SLC6A7: variants seen among roughly 807,000 people sequenced by gnomAD.
The protein encoded by SLC6A7 is solute carrier family 6 member 7, also known as sodium-dependent proline transporter.
In SLC6A7, 58 loss-of-function variants were observed where a neutral mutation model predicts 73.1. The ratio of observed to expected loss-of-function variants is 0.79; its 90% CI spans 0.64 to 0.99. SLC6A7 has a LOEUF of 0.99. Ranked by LOEUF, SLC6A7 falls within the 50% of genes least tolerant of loss-of-function variation. The pLI is 0.00. For missense variants in SLC6A7, 783 were observed against 831.4 expected, an observed-to-expected ratio of 0.94 and a Z score of 0.72; for synonymous variants, 338 against 338.7, an observed-to-expected ratio of 1.00 and a Z score of 0.02.
intron 5 of SLC6A7, among the ~76,000 whole-genome samples, chr5:150,199,974 G>T (rs1562089327): frequency 6.6e-6 from 1 of 152,176 alleles, no homozygotes; most frequent in Non-Finnish European, 1.5e-5. Flanking sequence ...GATGAGCAGG[G>T]CTGTGCACCC....
intron 13 of SLC6A7, 102 bp downstream of exon 13, chr5:150,205,725 GC>G (rs1440355255): frequency 1.9e-6 from 2 of 1,051,780 alleles, no homozygotes; most frequent in East Asian, 5.1e-5. Flanking sequence ...CCCTTATCCA[GC>G]TTCTTTTAGC....
Position 150,194,713 on chromosome 5 carries a change from C to A in SLC6A7, c.34-15C>A, listed in dbSNP as rs778315192. The A allele has an allele frequency of 2.5e-6, 4 of 1,610,378 alleles. No homozygotes were observed. The highest frequency in any genetic ancestry group is 3.4e-6 in the Non-Finnish European group (4 of 1,177,432). On this transcript the variant is annotated splice_polypyrimidine_tract_variant and intron_variant, in intron 1 of 13. Coordinates refer to ENST00000230671, the MANE Select transcript of SLC6A7 (RefSeq NM_014228.5). ...CAGTCTTCTCCCCAACCTCTTTGGT[C>A]TCTCTCATTGGCAGCCTGTCACCCC... is the stretch of plus-strand genomic sequence containing the variant.
rs1580870286 is a variant in SLC6A7 at position 150,204,910 on chromosome 5, T to C, written c.1516T>C (p.Ser506Pro). ...CTTCAGGGCCTGCTGGCTGTTCCTGTCCCCAGCCACGCTCTTGGTAACTGG... is the reference window on the plus strand; with the variant it reads ...CTTCAGGGCCTGCTGGCTGTTCCTGCCCCCAGCCACGCTCTTGGTAACTGG... ...LYFRACWLFLSPATLLALMVY... is the reference protein window; with the variant it reads ...LYFRACWLFLPPATLLALMVY... Residue 506 changes from serine (S) to proline (P), a missense_variant, in exon 12 of 14, where the codon TCC becomes CCC. Coordinates refer to ENST00000230671, the MANE Select transcript of SLC6A7 (RefSeq NM_014228.5). 3 of 656,946 alleles carry C rather than the reference T, an allele frequency of 4.6e-6. No individual in the cohort carries two copies. The highest frequency in any genetic ancestry group is 3.7e-5 in the African/African-American group (2 of 53,562). The allele number at this position is 656,946 out of a possible 1,614,324, so 40.7% of individuals were successfully genotyped here.
intron 4 of SLC6A7, among the ~76,000 whole-genome samples, chr5:150,198,994 G>A (rs531822045): frequency 3.9e-5 from 6 of 152,202 alleles, no homozygotes; most frequent in East Asian, 3.9e-4. Flanking sequence ...GGGTGGTCTC[G>A]AACTCCTATC....
At position 150,210,954 on chromosome 5, in the gene SLC6A7, C is replaced by T. The variant is rs1224411979; in HGVS notation, c.*1339C>T. On this transcript the variant is annotated 3_prime_UTR_variant, in exon 14 of 14. Transcript: ENST00000230671. ...AGCATTCTCCCGTGGGGCAGGGTTC[C>T]CTCATGCAACAGGCCTCCCTGTGGC... 1 of 152,582 alleles carries T rather than the reference C, an allele frequency of 6.6e-6. No homozygotes were observed. Among genetic ancestry groups the T allele is most frequent in the East Asian group, 1.9e-4 (1 of 5,332 alleles). The allele number at this position is 152,582 out of a possible 1,614,324, so 9.5% of individuals were successfully genotyped here.
intron 6 of SLC6A7, among the ~76,000 whole-genome samples, chr5:150,201,501 G>A (rs1753381470): frequency 6.6e-6 from 1 of 152,032 alleles, no homozygotes; most frequent in African/African-American, 2.4e-5. Flanking sequence ...TATCATTTTT[G>A]TAGTGAGAAC....
chr5:150,193,814 G>A (rs184404043), intron 1 of SLC6A7, among the ~76,000 whole-genome samples: 15 of 152,272 alleles, frequency 9.9e-5, no homozygotes, highest in East Asian at 3.9e-4. Flanking sequence ...TGCCCGGAAC[G>A]GAGGAACAAA....
intron 4 of SLC6A7, among the ~76,000 whole-genome samples, chr5:150,198,168 G>C (rs930863414): frequency 6.6e-6 from 1 of 152,130 alleles, no homozygotes; most frequent in African/African-American, 2.4e-5. Context: ...GCTCAGTATT[G>C]CTCAGTAATT....
rs554531476 is a variant in SLC6A7, at chr5:150,202,122, G to A, written c.859-225G>A. Among the ~76,000 whole-genome samples the A allele has an allele frequency of 1.2e-4, 19 of 152,360 alleles. No homozygotes were observed. The East Asian group carries it at 3.1e-3, about 25-fold the overall frequency. On this transcript the variant is annotated intron_variant, in intron 6 of 13. Transcript: ENST00000230671. ...AGAGACCATCTTCTAGATCCTGGGT[G>A]GGAAACTGAAGCCCGCAGAGGGGAA...
In SLC6A7 at chr5:150,203,949, T is replaced by G. The variant is rs926102373; in HGVS notation, c.1243T>G (p.Phe415Val). The G allele has an allele frequency of 1.2e-6, 2 of 1,613,030 alleles. No homozygotes were observed. Among genetic ancestry groups the G allele is most frequent in the Non-Finnish European group, 1.7e-6 (2 of 1,179,628 alleles). Reference sequence around the variant, plus strand: ...CATTGTGACAGCTGTGACAGATGAGTTCCCATACTACCTGCGGCCCAAGAA... The same window carrying G: ...CATTGTGACAGCTGTGACAGATGAGGTCCCATACTACCTGCGGCCCAAGAA... ...ETIVTAVTDE[F>V]PYYLRPKKAV... The change falls in exon 10 of 14, where the codon TTC becomes GTC. Residue 415 changes from phenylalanine (F) to valine (V), a missense_variant. Coordinates refer to ENST00000230671, the MANE Select transcript of SLC6A7 (RefSeq NM_014228.5).
intron 12 of SLC6A7, 139 bp downstream of exon 12, chr5:150,205,066 C>CAGAA (rs1406689481): frequency 1.6e-6 from 1 of 612,578 alleles, no homozygotes; most frequent in Non-Finnish European, 2.9e-6. Context: ...CCTAGTCCAT[C>CAGAA]CCCTCCCCTG....
chr5:150,201,139 G>C lies in SLC6A7; in HGVS notation c.774G>C (p.Leu258=). 2 of 1,613,786 alleles carry C rather than the reference G, an allele frequency of 1.2e-6. No individual in the cohort carries two copies. Among genetic ancestry groups the C allele is most frequent in the South Asian group, 1.1e-5 (1 of 91,064 alleles). ...TFPYLILLML[L]VRGVTLPGAW... ...CCTACCTCATCCTGCTCATGCTGCT[G>C]GTCCGCGGAGTCACCCTCCCAGGGG... is the stretch of plus-strand genomic sequence containing the variant. The change falls in exon 6 of 14, where the codon CTG becomes CTC. Residue 258 remains leucine, a synonymous_variant. Transcript: ENST00000230671.
At chr5:150,191,461 C>T (rs559451940) in intron 1 of SLC6A7, among the ~76,000 whole-genome samples, 9 of 149,806 alleles carry the variant, frequency 6.0e-5, no homozygotes, top group Non-Finnish European at 1.3e-4. Context: ...GACGGAGTCT[C>T]GCTCTGTCAC....
chr5:150,201,153 C>T lies in SLC6A7; in HGVS notation c.788C>T (p.Thr263Ile). The change falls in exon 6 of 14, where the codon ACC becomes ATC. Residue 263 changes from threonine (T) to isoleucine (I), a missense_variant. Transcript: ENST00000230671. ...ILLMLLVRGV[T>I]LPGAWKGIQF... ...CTCATGCTGCTGGTCCGCGGAGTCACCCTCCCAGGGGCCTGGAAGGGCATC... is the reference window on the plus strand; with the variant it reads ...CTCATGCTGCTGGTCCGCGGAGTCATCCTCCCAGGGGCCTGGAAGGGCATC... The T allele has an allele frequency of 6.2e-7, 1 of 1,613,816 alleles. No homozygotes were observed. The highest frequency in any genetic ancestry group is 1.1e-5 in the South Asian group (1 of 91,066).
chr5:150,210,765 A>G lies in SLC6A7; in HGVS notation c.*1150A>G, dbSNP rs183882236. On this transcript the variant is annotated 3_prime_UTR_variant, in exon 14 of 14. Coordinates refer to ENST00000230671, the MANE Select transcript of SLC6A7 (RefSeq NM_014228.5). ...CAACCATGGGACTAGGAGGTGGCCCATACACATGGCTGGCTGGTCCTGAGG... is the reference window on the plus strand; with the variant it reads ...CAACCATGGGACTAGGAGGTGGCCCGTACACATGGCTGGCTGGTCCTGAGG... The G allele has an allele frequency of 4.2e-3, 637 of 152,554 alleles. 6 individuals are homozygous for G. Among genetic ancestry groups the G allele is most frequent in the African/African-American group, 0.014 (578 of 41,582 alleles). The allele number at this position is 152,554 out of a possible 1,614,324, so 9.5% of individuals were successfully genotyped here.
chr5:150,197,036 C>A lies in SLC6A7; in HGVS notation c.350-6C>A. On this transcript the variant is annotated splice_polypyrimidine_tract_variant and splice_region_variant and intron_variant, in intron 3 of 13. Coordinates refer to ENST00000230671, the MANE Select transcript of SLC6A7 (RefSeq NM_014228.5). ...TGGGCAGCCCAGCAGCCTCTCCCCA[C>A]ACCAGGCGCCGGCGCAGCCATGCTG... The A allele has an allele frequency of 6.2e-7, 1 of 1,612,612 alleles. No individual in the cohort carries two copies. The highest frequency in any genetic ancestry group is 8.5e-7 in the Non-Finnish European group (1 of 1,179,026).
Position 150,209,485 on chromosome 5 carries a change from C to G in SLC6A7, c.1781C>G (p.Thr594Arg). 1 of 1,614,150 alleles carries G rather than the reference C, an allele frequency of 6.2e-7. No homozygotes were observed. Among genetic ancestry groups the G allele is most frequent in the Non-Finnish European group, 8.5e-7 (1 of 1,180,020 alleles). The change falls in exon 14 of 14, where the codon ACG becomes AGG. Residue 594 changes from threonine (T) to arginine (R), a missense_variant. Transcript: ENST00000230671. ...EENRTGMYVATLAGSQSPKPL... is the reference protein window; with the variant it reads ...EENRTGMYVARLAGSQSPKPL... ...AACCGGACGGGCATGTATGTGGCCACGCTGGCTGGGAGCCAGTCACCAAAG... is the reference window on the plus strand; with the variant it reads ...AACCGGACGGGCATGTATGTGGCCAGGCTGGCTGGGAGCCAGTCACCAAAG...
chr5:150,205,428 A>C, intron 12 of SLC6A7, 28 bp from the exon 13 acceptor site: 1 of 1,564,842 alleles, frequency 6.4e-7, no homozygotes, highest in Middle Eastern at 1.7e-4. Context: ...AAAAGCCCGC[A>C]GTGATGCTGG....
Position 150,190,286 on chromosome 5 carries a change from TGCGCTCCGGGGCAGCTGA to T in SLC6A7, c.-39_-22del. The stretch of plus-strand genomic sequence containing the variant: ...GACCATCTCTCGTGCCCTCGCTCTC[TGCGCTCCGGGGCAGCTGA>T]GCCCCGGCCACCCGCTCTCCAAGAT... On this transcript the variant is annotated 5_prime_UTR_variant, in exon 1 of 14. Transcript: ENST00000230671. 1.3e-6 allele frequency: 2 copies of T among 1,499,050 alleles called. No individual in the cohort carries two copies. Among genetic ancestry groups the T allele is most frequent in the South Asian group, 2.5e-5 (2 of 79,966 alleles). 92.9% of individuals were successfully genotyped at this position (1,499,050 alleles called of 1,614,324 possible).
Sources: allele counts gnomAD v4.1 joint callset (sites outside exome capture counted in the v4.1 genomes callset), GRCh38; gene constraint gnomAD v4.1.1; transcripts MANE v1.5; gene names NCBI Gene and HGNC (gene_info 2026-07-23, HGNC 2026-07-21).